The following OGN variants were observed in gnomAD, a reference collection of about 807,000 sequenced individuals.
OGN encodes the protein osteoglycin.
OGN carries 19 observed loss-of-function variants against 30.8 expected under a neutral mutation model. The ratio of observed to expected loss-of-function variants is 0.62; its 90% CI spans 0.43 to 0.90. OGN has a LOEUF of 0.90. Among genes scored for constraint, OGN ranks in the 40% least tolerant of loss-of-function variants. The pLI, the probability that OGN is intolerant of heterozygous loss-of-function variation, is 0.00. For missense variants in OGN, 283 were observed against 349.7 expected (o/e 0.81, Z 1.52); for synonymous variants, 126 against 128.3 (o/e 0.98, Z 0.12).
chr9:92,389,721 G>C, intron 5 of OGN, 133 bp downstream of exon 5: 1 of 623,754 alleles, frequency 1.6e-6, no homozygotes, highest in Non-Finnish European at 2.7e-6. Flanking sequence ...TATTTATTAT[G>C]TAAATAATGT....
chr9:92,387,038 ACT>A (rs1842453977), intron 5 of OGN, among the ~76,000 whole-genome samples: 1 of 131,242 alleles, frequency 7.6e-6, no homozygotes, highest in East Asian at 2.3e-4. Context: ...ACAGAGCGAG[ACT>A]CTGTCTCAAA....
In OGN at chr9:92,384,614, G is replaced by C. The variant is rs2130876289; in HGVS notation, c.*1006C>G. Reference sequence around the variant, plus strand: ...GCAGTTAGCCATGTCAGTTTATCATGAGTAATCAGAAAGTGTTACTCAGAA... The same window carrying C: ...GCAGTTAGCCATGTCAGTTTATCATCAGTAATCAGAAAGTGTTACTCAGAA... On this transcript the variant is annotated 3_prime_UTR_variant, in exon 7 of 7. Coordinates refer to ENST00000375561, the MANE Select transcript of OGN (RefSeq NM_014057.5). 6.6e-6 allele frequency: 1 copy of C among 152,184 alleles called. No individual in the cohort carries two copies. The highest frequency in any genetic ancestry group is 1.5e-5 in the Non-Finnish European group (1 of 67,978). The allele number at this position is 152,184 out of a possible 1,614,324, so 9.4% of individuals were successfully genotyped here.
chr9:92,401,547 G>A (rs1261154010), intron 2 of OGN, among the ~76,000 whole-genome samples: 1 of 152,062 alleles, frequency 6.6e-6, no homozygotes, highest in Non-Finnish European at 1.5e-5. Flanking sequence ...GTTCCTCAGG[G>A]GTCTTGTCTG....
rs1264632844 is a variant in OGN, at chr9:92,398,898, T to TA, written c.268+2193dup. Among the ~76,000 whole-genome samples, 4 of 152,152 alleles carry TA rather than the reference T, an allele frequency of 2.6e-5. No individual in the cohort carries two copies. In the South Asian group the frequency reaches 6.2e-4, roughly 24 times the overall value. ...CCAACATGGTGAAACCTGTCTCTAC[T>TA]AAAAATACAATAAATTAGCCTGGCG... On this transcript the variant is annotated intron_variant, in intron 3 of 6. Transcript: ENST00000375561.
At chr9:92,397,826 A>G (rs1385123802) in intron 3 of OGN, among the ~76,000 whole-genome samples, 1 of 152,234 alleles carries the variant, frequency 6.6e-6, no homozygotes, top group Non-Finnish European at 1.5e-5. Context: ...AACATATACA[A>G]TATACATGCA....
rs557318116 is a variant in OGN at position 92,393,166 on chromosome 9, G to A, written c.347C>T (p.Pro116Leu). The A allele has an allele frequency of 1.2e-6, 2 of 1,613,738 alleles. No homozygotes were observed. Among genetic ancestry groups the A allele is most frequent in the South Asian group, 1.1e-5 (1 of 91,050 alleles). ...CEEVDIDAVP[P>L]LPKESAYLYA... ...AAGATAGGCTGATTCCTTTGGTAAG[G>A]GTGGTACAGCATCAATGTCAACTTC... The change falls in exon 4 of 7, where the codon CCC becomes CTC. Residue 116 changes from proline (P) to leucine (L), a missense_variant. Pro to Leu is a moderately conservative substitution (Grantham distance 98). Coordinates refer to ENST00000375561, the MANE Select transcript of OGN (RefSeq NM_014057.5).
chr9:92,403,634 G>T (rs1843209946), intron 1 of OGN, 152 bp from the exon 2 acceptor site: 11 of 1,182,208 alleles, frequency 9.3e-6, no homozygotes, highest in Non-Finnish European at 1.1e-5. Context: ...TGAACATTCT[G>T]AAAAATAGTT....
At position 92,391,480 on chromosome 9, in the gene OGN, T is replaced by TTGCGAGACC. The variant is rs1322157841; in HGVS notation, c.428-1425_428-1424insGGTCTCGCA. On this transcript the variant is annotated intron_variant, in intron 4 of 6. Transcript: ENST00000375561. Reference sequence around the variant, plus strand: ...CAGGTGTGGTGGCACATGCCTGTAGTCTCAGCTACTTGCGAGACTGAGGGA... The same window carrying TTGCGAGACC: ...CAGGTGTGGTGGCACATGCCTGTAGTTGCGAGACCCTCAGCTACTTGCGAGACTGAGGGA... Among the ~76,000 whole-genome samples, 85 of 152,134 alleles carry TTGCGAGACC rather than the reference T, an allele frequency of 5.6e-4. 1 individual carries two copies. Among genetic ancestry groups the TTGCGAGACC allele is most frequent in the African/African-American group, 1.7e-3 (71 of 41,512 alleles).
At chr9:92,403,190 T>C (rs753938477) in intron 2 of OGN, 44 bp downstream of exon 2, 303 of 1,318,202 alleles carry the variant, frequency 2.3e-4, no homozygotes, top group Non-Finnish European at 2.7e-4. Flanking sequence ...TGCATTTAAA[T>C]GGGCAGTATT....
chr9:92,390,855 A>G (rs574438617), intron 4 of OGN, among the ~76,000 whole-genome samples: 128 of 152,306 alleles, frequency 8.4e-4, no homozygotes, highest in African/African-American at 2.9e-3. Context: ...ATATTGCACT[A>G]TAACTCATGC....
Position 92,389,912 on chromosome 9 carries a change from A to G in OGN, c.572T>C (p.Leu191Ser). ...KLPVLPPKLTLFNAKYNKIKS... is the reference protein window; with the variant it reads ...KLPVLPPKLTSFNAKYNKIKS... Reference sequence around the variant, plus strand: ...GATTTTGTTGTATTTTGCATTAAATAAAGTGAGCTTGGGAGGAAGAACTGG... The same window carrying G: ...GATTTTGTTGTATTTTGCATTAAATGAAGTGAGCTTGGGAGGAAGAACTGG... Residue 191 changes from leucine (L) to serine (S), a missense_variant, in exon 5 of 7, where the codon TTA (leucine) becomes TCA (serine). By Grantham distance (145) the Leu-to-Ser change is moderately radical. Coordinates refer to ENST00000375561, the MANE Select transcript of OGN (RefSeq NM_014057.5). The G allele has an allele frequency of 6.2e-7, 1 of 1,613,378 alleles. No homozygotes were observed. The highest frequency in any genetic ancestry group is 1.1e-5 in the South Asian group (1 of 91,022).
At chr9:92,399,173 G>A (rs1217171352) in intron 3 of OGN, among the ~76,000 whole-genome samples, 3 of 152,050 alleles carry the variant, frequency 2.0e-5, no homozygotes, top group African/African-American at 7.2e-5. Flanking sequence ...CCTTCCTGCT[G>A]CCGTGTATGA....
intron 4 of OGN, among the ~76,000 whole-genome samples, chr9:92,391,904 A>G (rs1442384732): frequency 1.3e-5 from 2 of 152,202 alleles, no homozygotes; most frequent in Non-Finnish European, 1.5e-5. Flanking sequence ...GAATCCACAA[A>G]TAACAAGGAT....
At chr9:92,401,254 C>A in intron 2 of OGN, 69 bp from the exon 3 acceptor site, 1 of 725,462 alleles carries the variant, frequency 1.4e-6, no homozygotes, top group Non-Finnish European at 2.4e-6. Context: ...ATGAAGGGAT[C>A]ACAGACACCT....
At chr9:92,392,862 A>AT (rs1429265416) in intron 4 of OGN, among the ~76,000 whole-genome samples, 2 of 152,188 alleles carry the variant, frequency 1.3e-5, no homozygotes, top group Non-Finnish European at 2.9e-5. Context: ...ATGGGCTGTC[A>AT]TCATAGACAG....
At chr9:92,397,277 C>T (rs1048192319) in intron 3 of OGN, among the ~76,000 whole-genome samples, 1 of 152,130 alleles carries the variant, frequency 6.6e-6, no homozygotes, top group South Asian at 2.1e-4. Context: ...ATTTTTCCTG[C>T]CCCAACCCTG....
intron 3 of OGN, among the ~76,000 whole-genome samples, chr9:92,394,355 GC>G (rs1405957294): frequency 6.6e-6 from 1 of 151,268 alleles, no homozygotes; most frequent in East Asian, 1.9e-4. Context: ...CGATTCTTCT[GC>G]CTCAGCCTCC....
Position 92,390,587 on chromosome 9 carries a change from T to TGTGTGTGTGTGCGCGCGC in OGN, c.428-532_428-531insGCGCGCGCACACACACAC, listed in dbSNP as rs749697394. ...CAGTGTGTGTGTGTGTGTGTGTGTGTGCGCGCGCGCGTACTTGCGTGTGCA... is the reference window on the plus strand; with the variant it reads ...CAGTGTGTGTGTGTGTGTGTGTGTGTGTGTGTGTGTGCGCGCGCGCGCGCGCGCGTACTTGCGTGTGCA... On this transcript the variant is annotated intron_variant, in intron 4 of 6. Coordinates refer to ENST00000375561, the MANE Select transcript of OGN (RefSeq NM_014057.5). Among the ~76,000 whole-genome samples, 32 of 141,912 alleles carry TGTGTGTGTGTGCGCGCGC rather than the reference T, an allele frequency of 2.3e-4. No individual in the cohort carries two copies. In the East Asian group the frequency reaches 2.7e-3, roughly 12 times the overall value. The allele number at this position is 141,912 out of a possible 152,430, so 93.1% of individuals were successfully genotyped here.
Position 92,385,457 on chromosome 9 carries a change from A to T in OGN, c.*163T>A. On this transcript the variant is annotated 3_prime_UTR_variant, in exon 7 of 7. Coordinates refer to ENST00000375561, the MANE Select transcript of OGN (RefSeq NM_014057.5). ...ACGTAGACATTCAGTCTTACTTTTTACTTATTATATGTAAGATTTTGAACA... is the reference window on the plus strand; with the variant it reads ...ACGTAGACATTCAGTCTTACTTTTTTCTTATTATATGTAAGATTTTGAACA... 1.7e-6 allele frequency: 1 copy of T among 595,600 alleles called. No individual in the cohort carries two copies. Among genetic ancestry groups the T allele is most frequent in the Non-Finnish European group, 2.9e-6 (1 of 348,906 alleles). 36.9% of individuals were successfully genotyped at this position (595,600 alleles called of 1,614,324 possible). A position where few individuals can be genotyped will look rare whatever the true frequency, so the allele number is the denominator to read the frequency against.
Sources: gnomAD v4.1 joint callset for allele counts (sites outside exome capture counted in the v4.1 genomes callset) on GRCh38, gnomAD v4.1.1 for gene constraint, MANE v1.5 for transcripts, NCBI Gene and HGNC (gene_info 2026-07-23, HGNC 2026-07-21) for gene names.